Variants in FPR2 observed in about 807,000 individuals in gnomAD.
The protein encoded by FPR2 is formyl peptide receptor 2.
Under a neutral mutation model 4.0 loss-of-function variants are expected in FPR2, and 3 were observed. The ratio of observed to expected loss-of-function variants is 0.74; its 90% CI spans 0.34 to 1.92. The LOEUF (loss-of-function observed/expected upper bound fraction) is 1.92, where lower values mean the gene tolerates loss of function less well. Among genes scored for constraint, FPR2 ranks in the 30% most tolerant of loss-of-function variants. The probability of loss-of-function intolerance (pLI) is 0.07; values close to 1 mark genes in which losing one functional copy is unlikely to be tolerated. For missense variants in FPR2, 372 were observed against 435.7 expected (o/e 0.85, Z 1.30); for synonymous variants, 179 against 171.5 (o/e 1.04, Z -0.34).
intron 1 of FPR2, among the ~76,000 whole-genome samples, chr19:51,766,164 AC>A (rs140379101): frequency 6.6e-6 from 1 of 151,962 alleles, no homozygotes. Context: ...CAGGCAATCC[AC>A]CCCCCTTGGC....
At chr19:51,763,276 C>CA (rs2083850347) in intron 1 of FPR2, 1 of 152,138 alleles carries the variant, frequency 6.6e-6, no homozygotes, top group South Asian at 2.1e-4. Flanking sequence ...AAAATACTAG[C>CA]AAAGGGGACT....
rs539451252 is a variant in FPR2, at chr19:51,770,107, A to T, written c.*393A>T. On this transcript the variant is annotated 3_prime_UTR_variant, in exon 2 of 2. Transcript: ENST00000340023. ...ATTATGGAAGTTTTCTTCTATTTTT[A>T]GTTTGCTAAGAGTTTTCTGTTTCTT... is the stretch of plus-strand genomic sequence containing the variant. 5.5e-6 allele frequency: 1 copy of T among 180,642 alleles called. No individual in the cohort carries two copies. Among genetic ancestry groups the T allele is most frequent in the African/African-American group, 2.4e-5 (1 of 41,820 alleles). The allele number at this position is 180,642 out of a possible 1,614,324, so 11.2% of individuals were successfully genotyped here.
chr19:51,767,135 C>A (rs2083872616), intron 1 of FPR2, among the ~76,000 whole-genome samples: 1 of 152,142 alleles, frequency 6.6e-6, no homozygotes, highest in Non-Finnish European at 1.5e-5. Flanking sequence ...TCCATGTGTT[C>A]TCATCATTTA....
intron 1 of FPR2, among the ~76,000 whole-genome samples, chr19:51,761,606 T>G (rs1181067255): frequency 2.6e-5 from 4 of 152,112 alleles, no homozygotes; most frequent in Non-Finnish European, 5.9e-5. Context: ...ATTTAGGGCT[T>G]GCATTACCCT....
At position 51,768,942 on chromosome 19, in the gene FPR2, G is replaced by C; in HGVS notation, c.284G>C (p.Trp95Ser). The change falls in exon 2 of 2, where the codon TGG becomes TCG. Residue 95 changes from tryptophan (W) to serine (S), a missense_variant. Coordinates refer to ENST00000340023, the MANE Select transcript of FPR2 (RefSeq NM_001005738.2). ...ATGGGAGAAAAATGGCCTTTTGGCT[G>C]GTTCCTGTGTAAGTTAATTCACATC... ...MAMGEKWPFG[W>S]FLCKLIHIVV... The C allele has an allele frequency of 6.2e-7, 1 of 1,614,156 alleles. No homozygotes were observed. The highest frequency in any genetic ancestry group is 8.5e-7 in the Non-Finnish European group (1 of 1,180,032).
rs1335109421 is a variant in FPR2 at position 51,766,582 on chromosome 19, C to T, written c.-14-2063C>T. 3.9e-5 allele frequency among the ~76,000 whole-genome samples: 6 copies of T among 152,294 alleles called. No homozygotes were observed. In the East Asian group the frequency reaches 1.2e-3, roughly 29 times the overall value. ...CACCAGACTGAGGCATAGCCCTATCCTAGTAATCTTGGGGGAATCCCTTTC... is the reference window on the plus strand; with the variant it reads ...CACCAGACTGAGGCATAGCCCTATCTTAGTAATCTTGGGGGAATCCCTTTC... On this transcript the variant is annotated intron_variant, in intron 1 of 1. Coordinates refer to ENST00000340023, the MANE Select transcript of FPR2 (RefSeq NM_001005738.2).
intron 1 of FPR2, among the ~76,000 whole-genome samples, chr19:51,765,331 C>A (rs2083862500): frequency 6.6e-6 from 1 of 152,170 alleles, no homozygotes; most frequent in Non-Finnish European, 1.5e-5. Context: ...TAACGTTGAA[C>A]AATTAACGCA....
rs2083886965 is a variant in FPR2, at chr19:51,769,244, A to G, written c.586A>G (p.Thr196Ala). ...TGAGGAGAGGCTGAAGGTGGCCATT[A>G]CCATGCTGACAGCCAGAGGGATTAT... The part of the protein sequence containing the change: ...TPEERLKVAI[T>A]MLTARGIIRF... Residue 196 changes from threonine (T) to alanine (A), a missense_variant, in exon 2 of 2, where the codon ACC becomes GCC. Transcript: ENST00000340023. The surrounding 1 kb of genome is among the most constrained non-coding windows in gnomAD (Gnocchi z 4.4). 4 of 1,614,070 alleles carry G rather than the reference A, an allele frequency of 2.5e-6. No homozygotes were observed. Among genetic ancestry groups the G allele is most frequent in the Non-Finnish European group, 3.4e-6 (4 of 1,180,036 alleles).
intron 1 of FPR2, among the ~76,000 whole-genome samples, chr19:51,767,417 G>C (rs1379442409): frequency 6.6e-6 from 1 of 150,576 alleles, no homozygotes; most frequent in Non-Finnish European, 1.5e-5. Flanking sequence ...CTTGATCTGA[G>C]AAGCTCTGAA....
intron 1 of FPR2, among the ~76,000 whole-genome samples, chr19:51,766,726 C>T (rs977072976): frequency 2.6e-5 from 4 of 152,060 alleles, no homozygotes; most frequent in Non-Finnish European, 4.4e-5. Flanking sequence ...CAGAAGTCCC[C>T]GGGCCATGAA....
chr19:51,764,793 C>A (rs145628966), intron 1 of FPR2, among the ~76,000 whole-genome samples: 1 of 152,276 alleles, frequency 6.6e-6, no homozygotes, highest in Admixed American at 6.5e-5. Context: ...TTTGTCCTCA[C>A]CTGTCATTGC....
Position 51,762,248 on chromosome 19 carries a change from G to A in FPR2, c.-15+1018G>A, listed in dbSNP as rs527279904. 1.3e-4 allele frequency among the ~76,000 whole-genome samples: 19 copies of A among 151,834 alleles called. No homozygotes were observed. In the South Asian group the frequency reaches 3.1e-3, roughly 25 times the overall value. The stretch of plus-strand genomic sequence containing the variant: ...TTACAGGCACCCGCCATCACGCCCA[G>A]CTAATTTTTGTGTTTTTTTAGTAGA... On this transcript the variant is annotated intron_variant, in intron 1 of 1. Transcript: ENST00000340023.
At chr19:51,761,488 T>C (rs1799094870) in intron 1 of FPR2, among the ~76,000 whole-genome samples, 1 of 152,240 alleles carries the variant, frequency 6.6e-6, no homozygotes, top group South Asian at 2.1e-4. Flanking sequence ...CAATGATTTT[T>C]TTTATTTGCG....
In FPR2 at chr19:51,768,730, T is replaced by A; in HGVS notation, c.72T>A (p.Val24=). ...CCTATGAGTCTGCTGGCTACACTGT[T>A]CTGCGGATCCTCCCATTGGTGGTGC... is the stretch of plus-strand genomic sequence containing the variant. The part of the protein sequence containing the change: ...EVSYESAGYT[V]LRILPLVVLG... The change falls in exon 2 of 2, where the codon GTT becomes GTA. Residue 24 remains valine (V), a synonymous_variant. Transcript: ENST00000340023. 3 of 1,614,198 alleles carry A rather than the reference T, an allele frequency of 1.9e-6. No individual in the cohort carries two copies. Among genetic ancestry groups the A allele is most frequent in the Non-Finnish European group, 2.5e-6 (3 of 1,180,032 alleles).
intron 1 of FPR2, among the ~76,000 whole-genome samples, chr19:51,767,713 T>C (rs2083875788): frequency 6.6e-6 from 1 of 152,130 alleles, no homozygotes; most frequent in Non-Finnish European, 1.5e-5. Context: ...CCTGAATCTA[T>C]TATCTACTAC....
chr19:51,767,805 A>G (rs2083876226), intron 1 of FPR2, among the ~76,000 whole-genome samples: 1 of 152,216 alleles, frequency 6.6e-6, no homozygotes, highest in Non-Finnish European at 1.5e-5. Flanking sequence ...AATATTACAT[A>G]GCTATTACAT....
chr19:51,769,214 A>G lies in FPR2; in HGVS notation c.556A>G (p.Thr186Ala). Residue 186 changes from threonine (T) to alanine (A), a missense_variant, in exon 2 of 2, where the codon ACC becomes GCC. Coordinates refer to ENST00000340023, the MANE Select transcript of FPR2 (RefSeq NM_001005738.2). This position sits in a 1 kb window ranked among gnomAD's most constrained non-coding sequence, Gnocchi z 4.4. ...CTFNFASWGG[T>A]PEERLKVAIT... ...TTTCAACTTTGCATCCTGGGGTGGC[A>G]CCCCTGAGGAGAGGCTGAAGGTGGC... 1 of 1,614,076 alleles carries G rather than the reference A, an allele frequency of 6.2e-7. No homozygotes were observed. The highest frequency in any genetic ancestry group is 8.5e-7 in the Non-Finnish European group (1 of 1,180,028).
chr19:51,763,304 T>C (rs1178687897), intron 1 of FPR2: 3 of 152,182 alleles, frequency 2.0e-5, no homozygotes, highest in African/African-American at 7.2e-5. Context: ...GGTGGCCAAT[T>C]GAGCTTCAAA....
chr19:51,768,899 C>T lies in FPR2; in HGVS notation c.241C>T (p.Leu81Phe), dbSNP rs1375957031. 3 of 1,614,192 alleles carry T rather than the reference C, an allele frequency of 1.9e-6. No homozygotes were observed. The South Asian group carries it at 3.3e-5, about 18-fold the overall frequency. ...TTCTTTCACGGCCACATTACCATTC[C>T]TCATTGTCTCCATGGCCATGGGAGA... is the stretch of plus-strand genomic sequence containing the variant. ...DFSFTATLPF[L>F]IVSMAMGEKW... The change falls in exon 2 of 2, where the codon CTC (leucine) becomes TTC (phenylalanine). Residue 81 changes from leucine to phenylalanine, a missense_variant. Physicochemically the swap from Leu to Phe is conservative, Grantham distance 22. Coordinates refer to ENST00000340023, the MANE Select transcript of FPR2 (RefSeq NM_001005738.2).
Sources: gnomAD v4.1 joint callset for allele counts (sites outside exome capture counted in the v4.1 genomes callset) on GRCh38, gnomAD v4.1.1 for gene constraint, Gnocchi (gnomAD v3.1) non-coding constraint, MANE v1.5 for transcripts, NCBI Gene and HGNC (gene_info 2026-07-23, HGNC 2026-07-21) for gene names.